The following MICAL3 variants were observed in gnomAD, a reference collection of about 807,000 sequenced individuals.
The protein encoded by MICAL3 is [F-actin]-monooxygenase MICAL3.
Under a neutral mutation model 207.4 loss-of-function variants are expected in MICAL3, and 62 were observed. The observed-to-expected ratio is 0.30, with a 90% CI of 0.24 to 0.37. MICAL3 has a LOEUF of 0.37. Among genes scored for constraint, MICAL3 ranks in the 10% least tolerant of loss-of-function variants. MICAL3 has a pLI of 1.00. For synonymous variants in MICAL3, 1,077 were observed against 1,069.3 expected (o/e 1.01, Z -0.14); for missense variants, 2,368 against 2,635.6 (o/e 0.90, Z 2.22).
At chr22:17,977,184 T>G (rs939775774) in intron 1 of MICAL3, among the ~76,000 whole-genome samples, 9 of 152,132 alleles carry the variant, frequency 5.9e-5, no homozygotes, top group African/African-American at 1.7e-4. Context: ...GAGAGTAAAT[T>G]TGACATCACC....
chr22:17,788,946 C>G lies in MICAL3; in HGVS notation c.*1786G>C, dbSNP rs2061805588. 6.6e-6 allele frequency: 1 copy of G among 152,518 alleles called. No homozygotes were observed. Among genetic ancestry groups the G allele is most frequent in the Non-Finnish European group, 1.5e-5 (1 of 68,242 alleles). The allele number at this position is 152,518 out of a possible 1,614,324, so 9.4% of individuals were successfully genotyped here. Reference sequence around the variant, plus strand: ...CCCAGCCCACGGAGGCGGCAGGCGGCTGGAGCGCCCCTGGCAGGCGGGTCT... The same window carrying G: ...CCCAGCCCACGGAGGCGGCAGGCGGGTGGAGCGCCCCTGGCAGGCGGGTCT... On this transcript the variant is annotated 3_prime_UTR_variant, in exon 32 of 32. Transcript: ENST00000441493.
intron 1 of MICAL3, among the ~76,000 whole-genome samples, chr22:17,938,541 G>A (rs995757433): frequency 3.9e-5 from 6 of 152,176 alleles, no homozygotes; most frequent in African/African-American, 1.2e-4. Context: ...GGGATTCTGT[G>A]CATTCCTGAG....
At chr22:17,897,096 C>A in intron 7 of MICAL3, 115 bp from the exon 8 acceptor site, 1 of 1,157,784 alleles carries the variant, frequency 8.6e-7, no homozygotes, top group Non-Finnish European at 1.2e-6. Flanking sequence ...CTCCACGTTC[C>A]AAAACCAAAA....
intron 1 of MICAL3, among the ~76,000 whole-genome samples, chr22:17,947,080 C>T (rs538903680): frequency 2.6e-5 from 4 of 152,348 alleles, no homozygotes; most frequent in Non-Finnish European, 4.4e-5. Flanking sequence ...AGAAGAGAAA[C>T]GCAGCACATC....
At chr22:17,997,968 A>AT (rs1922483517) in intron 1 of MICAL3, among the ~76,000 whole-genome samples, 2 of 151,828 alleles carry the variant, frequency 1.3e-5, no homozygotes, top group Admixed American at 6.6e-5. Flanking sequence ...AGATGTGTGG[A>AT]TTTTTTCCCC....
At chr22:17,820,663 A>C (rs1921485501) in intron 25 of MICAL3, among the ~76,000 whole-genome samples, 1 of 152,140 alleles carries the variant, frequency 6.6e-6, no homozygotes, top group Non-Finnish European at 1.5e-5. Flanking sequence ...CAGATGTTGT[A>C]AATTTCAATG....
intron 19 of MICAL3, among the ~76,000 whole-genome samples, chr22:17,857,580 AG>A (rs1926074534): frequency 6.6e-6 from 1 of 152,240 alleles, no homozygotes; most frequent in Admixed American, 6.5e-5. Flanking sequence ...ACACCTGGGC[AG>A]TCTCATGTGA....
At chr22:17,821,305 C>A in intron 25 of MICAL3, 122 bp downstream of exon 25, 1 of 759,386 alleles carries the variant, frequency 1.3e-6, no homozygotes, top group Non-Finnish European at 2.1e-6. Flanking sequence ...AGGAGGCCAG[C>A]AGGCTATGTT....
At chr22:17,972,750 A>T (rs1385426208) in intron 1 of MICAL3, among the ~76,000 whole-genome samples, 1 of 152,234 alleles carries the variant, frequency 6.6e-6, no homozygotes, top group Non-Finnish European at 1.5e-5. Flanking sequence ...TTAAGTGCCA[A>T]GGAGGGAGAG....
rs752634942 is a variant in MICAL3 at position 18,000,242 on chromosome 22, AGG to A, written c.-75+24037_-75+24038del. ...TGCACATCCCACTAAAAACAAGCTTAGGGGGAAAAAAAAAAAAAAAGCTGTCC... is the reference window on the plus strand; with the variant it reads ...TGCACATCCCACTAAAAACAAGCTTAGGGAAAAAAAAAAAAAAAGCTGTCC... On this transcript the variant is annotated intron_variant, in intron 1 of 31. Coordinates refer to ENST00000441493, the MANE Select transcript of MICAL3 (RefSeq NM_015241.3). Among the ~76,000 whole-genome samples the A allele has an allele frequency of 3.8e-3, 364 of 94,546 alleles. 2 individuals are homozygous for A. Among genetic ancestry groups the A allele is most frequent in the African/African-American group, 0.018 (331 of 18,764 alleles). 62.0% of individuals were successfully genotyped at this position (94,546 alleles called of 152,430 possible). A position where few individuals can be genotyped will look rare whatever the true frequency, so the allele number is the denominator to read the frequency against.
chr22:17,957,114 C>T (rs1934651267), intron 1 of MICAL3, among the ~76,000 whole-genome samples: 1 of 152,182 alleles, frequency 6.6e-6, no homozygotes, highest in South Asian at 2.1e-4. Context: ...GCTCCGGCAG[C>T]CATGCTTTGT....
chr22:17,842,044 A>T (rs375862600), intron 19 of MICAL3, 27 bp from the exon 20 acceptor site: 1 of 1,583,504 alleles, frequency 6.3e-7, no homozygotes, highest in Non-Finnish European at 8.6e-7. Context: ...GAAGCACTGC[A>T]CTGAGGTCCA....
Position 17,791,288 on chromosome 22 carries a change from C to G in MICAL3, c.5664G>C (p.Lys1888Asn). 6.2e-7 allele frequency: 1 copy of G among 1,613,584 alleles called. No individual in the cohort carries two copies. Among genetic ancestry groups the G allele is most frequent in the Non-Finnish European group, 8.5e-7 (1 of 1,179,736 alleles). The part of the protein sequence containing the change: ...ALRGEAGMGK[K>N]DDPKLMQEWF... ...ACTCCTGCATCAGCTTGGGGTCGTC[C>G]TTCTTGCCCATGCCTGCCGAGAGAA... The change falls in exon 30 of 32, where the codon AAG becomes AAC. Residue 1888 changes from lysine (K) to asparagine (N), a missense_variant. Physicochemically the swap from Lys to Asn is moderately conservative, Grantham distance 94. Around this residue, in one of 4 missense-constraint regions of MICAL3, gnomAD observed 1,770 missense variants for 1,863.2 expected, o/e 0.95. Coordinates refer to ENST00000441493, the MANE Select transcript of MICAL3 (RefSeq NM_015241.3).
chr22:17,809,083 G>C (rs1025898789), intron 28 of MICAL3, 146 bp from the exon 29 acceptor site: 8 of 659,074 alleles, frequency 1.2e-5, no homozygotes, highest in Non-Finnish European at 2.1e-5. Flanking sequence ...AGGGTGTGGC[G>C]TGGAGACCAC....
intron 16 of MICAL3, among the ~76,000 whole-genome samples, chr22:17,877,620 G>C (rs1372298367): frequency 6.7e-6 from 1 of 148,930 alleles, no homozygotes; most frequent in Non-Finnish European, 1.5e-5. Flanking sequence ...TGGCAGCAGA[G>C]TCCAAGAAAA....
chr22:17,905,970 T>C (rs1051742669), intron 2 of MICAL3, among the ~76,000 whole-genome samples: 2 of 152,150 alleles, frequency 1.3e-5, no homozygotes, highest in Non-Finnish European at 2.9e-5. Flanking sequence ...TTGTGGCAAA[T>C]GCCAAGTTCG....
At chr22:17,920,531 C>T (rs1209747435) in intron 1 of MICAL3, among the ~76,000 whole-genome samples, 1 of 152,212 alleles carries the variant, frequency 6.6e-6, no homozygotes, top group African/African-American at 2.4e-5. Flanking sequence ...AACCCGCCCT[C>T]CCCTGGCTGT....
intron 1 of MICAL3, among the ~76,000 whole-genome samples, chr22:17,936,792 AAAAC>A (rs143657818): frequency 0.017 from 2,649 of 152,288 alleles, 43 homozygotes; most frequent in African/African-American, 0.045. Flanking sequence ...TAAATTAACA[AAAAC>A]AAACAAACAA....
At chr22:17,980,745 G>C (rs565744536) in intron 1 of MICAL3, 2 of 448,222 alleles carry the variant, frequency 4.5e-6, no homozygotes, top group African/African-American at 2.0e-5. Context: ...CACAGTTTCC[G>C]TCTTATCATT....
Sources: allele counts gnomAD v4.1 joint callset (sites outside exome capture counted in the v4.1 genomes callset), GRCh38; gene constraint gnomAD v4.1.1; regional missense constraint gnomAD v4.1.1; transcripts MANE v1.5; gene names NCBI Gene and HGNC (gene_info 2026-07-23, HGNC 2026-07-21).